Variants in RYR3 observed in about 807,000 individuals in gnomAD.
The protein encoded by RYR3 is brain ryanodine receptor-calcium release channel.
In RYR3, 207 loss-of-function variants were observed where a neutral mutation model predicts 584.3. That is an observed-to-expected ratio of 0.35 (90% CI 0.32 to 0.40). The LOEUF is 0.40. Among genes scored for constraint, RYR3 ranks in the 10% least tolerant of loss-of-function variants. The pLI is 1.00. For missense variants in RYR3, 5,616 were observed against 6,089.2 expected, an observed-to-expected ratio of 0.92 and a Z score of 2.59; for synonymous variants, 2,416 against 2,248.5, an observed-to-expected ratio of 1.07 and a Z score of -2.11.
chr15:33,596,812 T>C (rs981438429), intron 16 of RYR3, among the ~76,000 whole-genome samples: 2 of 150,866 alleles, frequency 1.3e-5, no homozygotes, highest in Non-Finnish European at 3.0e-5. Flanking sequence ...AACTTATTCC[T>C]CCCATCTAGC....
intron 1 of RYR3, among the ~76,000 whole-genome samples, chr15:33,358,837 A>G (rs1393459203): frequency 6.6e-6 from 1 of 152,302 alleles, no homozygotes; most frequent in East Asian, 1.9e-4. Flanking sequence ...TTCTTTTACC[A>G]AAGAAGAGTG....
At chr15:33,481,963 AAT>A (rs1373867182) in intron 2 of RYR3, among the ~76,000 whole-genome samples, 1 of 152,020 alleles carries the variant, frequency 6.6e-6, no homozygotes, top group Non-Finnish European at 1.5e-5. Context: ...TCAAAATGTC[AAT>A]AGTCTTTTAA....
In RYR3 at chr15:33,310,994, C is replaced by CG; in HGVS notation, c.-47dup. 6.8e-7 allele frequency: 1 copy of CG among 1,469,418 alleles called. No homozygotes were observed. Among genetic ancestry groups the CG allele is most frequent in the Non-Finnish European group, 9.3e-7 (1 of 1,074,630 alleles). 91.0% of individuals were successfully genotyped at this position (1,469,418 alleles called of 1,614,324 possible). ...CAGTCAGCGCACGCCGAGCGGCTGCCGGGGGAAGCAGAGGCGCCGGAGGCT... is the reference window on the plus strand; with the variant it reads ...CAGTCAGCGCACGCCGAGCGGCTGCCGGGGGGAAGCAGAGGCGCCGGAGGCT... On this transcript the variant is annotated 5_prime_UTR_variant, in exon 1 of 104. Transcript: ENST00000634891.
intron 3 of RYR3, among the ~76,000 whole-genome samples, chr15:33,523,727 C>T (rs987073272): frequency 7.2e-5 from 11 of 152,038 alleles, no homozygotes; most frequent in South Asian, 4.1e-4. Context: ...AAAACAAGAA[C>T]GGGATTTAAA....
intron 3 of RYR3, among the ~76,000 whole-genome samples, chr15:33,524,068 A>C (rs2054214738): frequency 2.0e-5 from 3 of 152,188 alleles, no homozygotes; most frequent in Admixed American, 1.3e-4. Context: ...AAATACTTTT[A>C]AAATGCTCGA....
At chr15:33,550,663 C>T (rs2056611185) in intron 10 of RYR3, among the ~76,000 whole-genome samples, 1 of 152,134 alleles carries the variant, frequency 6.6e-6, no homozygotes, top group Non-Finnish European at 1.5e-5. Flanking sequence ...ATTCTTCACT[C>T]CTTTAAAGCA....
At chr15:33,860,375 T>TAGTTA in intron 100 of RYR3, among the ~76,000 whole-genome samples, 1 of 152,192 alleles carries the variant, frequency 6.6e-6, no homozygotes, top group East Asian at 1.9e-4. Context: ...GAGGAGCAAG[T>TAGTTA]AGTTAACAGC....
chr15:33,814,073 A>G (rs1270517954), intron 74 of RYR3, among the ~76,000 whole-genome samples: 1 of 152,248 alleles, frequency 6.6e-6, no homozygotes. Context: ...AAGGCTGCAG[A>G]TGCCTCAAGA....
Position 33,736,331 on chromosome 15 carries a change from C to T in RYR3, c.7515+6C>T, listed in dbSNP as rs1385516845. 11 of 1,593,404 alleles carry T rather than the reference C, an allele frequency of 6.9e-6. No individual in the cohort carries two copies. Among genetic ancestry groups the T allele is most frequent in the Non-Finnish European group, 8.6e-6 (10 of 1,163,906 alleles). ...ACTGCAAAATGCCTCTCAAGGTAAA[C>T]ATCACTATTGTTACAGAAATACAGT... On this transcript the variant is annotated splice_donor_region_variant and intron_variant, in intron 49 of 103. Transcript: ENST00000634891.
chr15:33,544,795 A>G (rs956509383), intron 8 of RYR3, among the ~76,000 whole-genome samples: 10 of 152,202 alleles, frequency 6.6e-5, no homozygotes, highest in South Asian at 2.1e-4. Flanking sequence ...CCTAGGACAC[A>G]TAAAGCACAG....
At position 33,586,021 on chromosome 15, in the gene RYR3, A is replaced by C; in HGVS notation, c.1693A>C (p.Ile565Leu). ...AGGTATCTTGGAAGTTTTGCACTGC[A>C]TCTTAACTGAAAGCCCAGAAGCCTT... ...SSGILEVLHC[I>L]LTESPEALNL... The change falls in exon 16 of 104, where the codon ATC becomes CTC. Residue 565 changes from isoleucine to leucine, a missense_variant. By Grantham distance (5) the Ile-to-Leu change is conservative. This residue lies in a region of RYR3 where 1,284 missense variants were observed against 1,344.6 expected (regional missense o/e 0.95). Coordinates refer to ENST00000634891, the MANE Select transcript of RYR3 (RefSeq NM_001036.6). 1 of 1,612,794 alleles carries C rather than the reference A, an allele frequency of 6.2e-7. No individual in the cohort carries two copies. The highest frequency in any genetic ancestry group is 8.5e-7 in the Non-Finnish European group (1 of 1,178,826).
Position 33,848,275 on chromosome 15 carries a change from C to T in RYR3, c.13498-16C>T. Reference sequence around the variant, plus strand: ...ACAAAGCCTGCTCTGAGTAACCATCCTCCTCCCACTCCTAGGTGCCTTTGG... The same window carrying T: ...ACAAAGCCTGCTCTGAGTAACCATCTTCCTCCCACTCCTAGGTGCCTTTGG... On this transcript the variant is annotated splice_polypyrimidine_tract_variant and intron_variant, in intron 93 of 103. Transcript: ENST00000634891. 6.2e-7 allele frequency: 1 copy of T among 1,613,038 alleles called. No homozygotes were observed. The highest frequency in any genetic ancestry group is 1.1e-5 in the South Asian group (1 of 91,030).
At chr15:33,413,078 C>T (rs1393154154) in intron 1 of RYR3, among the ~76,000 whole-genome samples, 1 of 152,184 alleles carries the variant, frequency 6.6e-6, no homozygotes, top group Non-Finnish European at 1.5e-5. Context: ...AAATGGCTCT[C>T]TTCTTTTGAA....
intron 42 of RYR3, among the ~76,000 whole-genome samples, chr15:33,702,931 G>A (rs925823543): frequency 2.0e-5 from 3 of 152,108 alleles, no homozygotes; most frequent in East Asian, 1.9e-4. Context: ...CATAGTGAAC[G>A]TGGGGTGGCT....
At chr15:33,771,037 A>G (rs996331066) in intron 62 of RYR3, among the ~76,000 whole-genome samples, 1 of 152,178 alleles carries the variant, frequency 6.6e-6, no homozygotes. Context: ...TCACATTTCA[A>G]TGTTTTGTTT....
intron 53 of RYR3, among the ~76,000 whole-genome samples, chr15:33,746,674 A>T (rs75824692): frequency 2.8e-4 from 42 of 152,102 alleles, no homozygotes; most frequent in African/African-American, 1.0e-3. Context: ...GAATTGCTTG[A>T]AACCGGGAGG....
chr15:33,351,355 T>A (rs1973223860), intron 1 of RYR3, among the ~76,000 whole-genome samples: 1 of 152,216 alleles, frequency 6.6e-6, no homozygotes, highest in Non-Finnish European at 1.5e-5. Flanking sequence ...GTACCATTCC[T>A]TCTGAAACTA....
At chr15:33,376,724 T>G (rs2141146651) in intron 1 of RYR3, among the ~76,000 whole-genome samples, 1 of 152,354 alleles carries the variant, frequency 6.6e-6, no homozygotes, top group South Asian at 2.1e-4. Flanking sequence ...TTTTCCTCTG[T>G]GTTCTCTTCT....
intron 43 of RYR3, among the ~76,000 whole-genome samples, chr15:33,713,105 T>C (rs1020338098): frequency 2.0e-5 from 3 of 152,214 alleles, no homozygotes; most frequent in Non-Finnish European, 2.9e-5. Flanking sequence ...AAAAGGACTT[T>C]CTGAATACCT....
Sources: allele counts gnomAD v4.1 joint callset (sites outside exome capture counted in the v4.1 genomes callset), GRCh38; gene constraint gnomAD v4.1.1; regional missense constraint gnomAD v4.1.1; transcripts MANE v1.5; gene names NCBI Gene and HGNC (gene_info 2026-07-23, HGNC 2026-07-21).